The following ATP9B variants were observed in gnomAD, a reference collection of about 807,000 sequenced individuals.
The protein encoded by ATP9B is probable phospholipid-transporting ATPase IIB.
Under a neutral mutation model 146.1 loss-of-function variants are expected in ATP9B, and 110 were observed. The ratio of observed to expected loss-of-function variants is 0.75; its 90% CI spans 0.65 to 0.88. ATP9B has a LOEUF of 0.88. Among genes scored for constraint, ATP9B ranks in the 40% least tolerant of loss-of-function variants. ATP9B has a pLI of 0.00. For synonymous variants in ATP9B, 604 were observed against 569.7 expected, an observed-to-expected ratio of 1.06 and a Z score of -0.86; for missense variants, 1,499 against 1,496.4, an observed-to-expected ratio of 1.00 and a Z score of -0.03.
intron 11 of ATP9B, among the ~76,000 whole-genome samples, chr18:79,251,270 C>T (rs908672740): frequency 6.6e-6 from 1 of 152,264 alleles, no homozygotes; most frequent in Non-Finnish European, 1.5e-5. Flanking sequence ...GGAACCCACA[C>T]TCGGCACACC....
In ATP9B at chr18:79,320,712, C is replaced by T. The variant is rs534672422; in HGVS notation, c.1774-8429C>T. Among the ~76,000 whole-genome samples the T allele has an allele frequency of 1.7e-4, 26 of 152,252 alleles. 1 individual carries two copies. In the South Asian group the frequency reaches 5.4e-3, roughly 32 times the overall value. ...TGCAGAACTCCCACCCCCCTCCAGC[C>T]CTCGTTGCTTGTAGAACCCTATCCC... On this transcript the variant is annotated intron_variant, in intron 15 of 29. Coordinates refer to ENST00000426216, the MANE Select transcript of ATP9B (RefSeq NM_198531.5).
intron 11 of ATP9B, among the ~76,000 whole-genome samples, chr18:79,249,509 G>A (rs943907009): frequency 3.3e-5 from 5 of 152,144 alleles, no homozygotes; most frequent in South Asian, 4.1e-4. Flanking sequence ...TTAAATAGTC[G>A]TAATTACTTC....
rs773308784 is a variant in ATP9B, at chr18:79,224,682, C to T, written c.1107+10644C>T. Reference sequence around the variant, plus strand: ...GCAGGTCCCTTGGTTTTCTAATTGTCGCTGCCAATGTCTGTTGGAACAAGG... The same window carrying T: ...GCAGGTCCCTTGGTTTTCTAATTGTTGCTGCCAATGTCTGTTGGAACAAGG... On this transcript the variant is annotated intron_variant, in intron 11 of 29. Coordinates refer to ENST00000426216, the MANE Select transcript of ATP9B (RefSeq NM_198531.5). 2.6e-5 allele frequency among the ~76,000 whole-genome samples: 4 copies of T among 152,194 alleles called. 1 individual carries two copies. Among genetic ancestry groups the T allele is most frequent in the South Asian group, 4.1e-4 (2 of 4,828 alleles).
intron 13 of ATP9B, among the ~76,000 whole-genome samples, chr18:79,288,912 T>A (rs1382499492): frequency 6.6e-6 from 1 of 152,226 alleles, no homozygotes; most frequent in African/African-American, 2.4e-5. Context: ...CGGTTGAAAA[T>A]TCTTTTCTTT....
chr18:79,275,240 G>A (rs561652066), intron 12 of ATP9B, among the ~76,000 whole-genome samples: 1 of 142,420 alleles, frequency 7.0e-6, no homozygotes, highest in South Asian at 2.3e-4. Context: ...TTCTGTACAG[G>A]AAGGCAGTCA....
At chr18:79,218,936 C>T (rs2095653601) in intron 11 of ATP9B, among the ~76,000 whole-genome samples, 2 of 152,106 alleles carry the variant, frequency 1.3e-5, no homozygotes, top group Admixed American at 6.5e-5. Context: ...AACAAGATTT[C>T]CCAGGGCTTT....
chr18:79,315,860 G>T (rs1359541107), intron 15 of ATP9B, among the ~76,000 whole-genome samples: 3 of 152,154 alleles, frequency 2.0e-5, no homozygotes, highest in African/African-American at 7.2e-5. Flanking sequence ...TTCAGCTCAG[G>T]TTCCCACTTA....
intron 9 of ATP9B, among the ~76,000 whole-genome samples, chr18:79,204,821 G>A (rs574026810): frequency 6.6e-6 from 1 of 152,276 alleles, no homozygotes; most frequent in South Asian, 2.1e-4. Flanking sequence ...CCTTTGTTGT[G>A]GCTGGCATTG....
chr18:79,088,741 T>A (rs1421301607), intron 1 of ATP9B, among the ~76,000 whole-genome samples: 1 of 152,236 alleles, frequency 6.6e-6, no homozygotes, highest in African/African-American at 2.4e-5. Context: ...CAATTATTTA[T>A]TCATGGATAC....
intron 7 of ATP9B, among the ~76,000 whole-genome samples, chr18:79,155,807 G>GGCTGGAGT (rs2094770089): frequency 7.9e-6 from 1 of 126,464 alleles, no homozygotes; most frequent in Non-Finnish European, 1.6e-5. Flanking sequence ...CTGTCGCCCA[G>GGCTGGAGT]GCTGGAGTGC....
At chr18:79,359,529 G>GA (rs2096974702) in intron 26 of ATP9B, 67 bp downstream of exon 26, 1 of 1,238,216 alleles carries the variant, frequency 8.1e-7, no homozygotes, top group African/African-American at 1.5e-5. Context: ...ACACGAGTGA[G>GA]AAACAGGCCA....
intron 12 of ATP9B, among the ~76,000 whole-genome samples, 195 bp from the exon 13 acceptor site, chr18:79,276,859 A>G (rs1599517565): frequency 6.6e-6 from 1 of 152,368 alleles, no homozygotes; most frequent in East Asian, 1.9e-4. Context: ...ATATGGAACC[A>G]TGAGCCTGAA....
At chr18:79,100,230 A>G (rs1249627703) in intron 2 of ATP9B, among the ~76,000 whole-genome samples, 3 of 152,200 alleles carry the variant, frequency 2.0e-5, no homozygotes, top group Non-Finnish European at 2.9e-5. Flanking sequence ...TTTGAAAATA[A>G]TTTGTATTTT....
intron 15 of ATP9B, among the ~76,000 whole-genome samples, chr18:79,320,396 G>A (rs1007757367): frequency 5.9e-5 from 9 of 152,180 alleles, no homozygotes; most frequent in Non-Finnish European, 1.0e-4. Context: ...GGGTTGAGCC[G>A]AAAGTAAGAC....
rs1307981855 is a variant in ATP9B at position 79,359,277 on chromosome 18, C to T, written c.2904-77C>T. On this transcript the variant is annotated intron_variant, in intron 25 of 29. Transcript: ENST00000426216. ...TTTTTGGTGTTTTTGAAGCTGTGAC[C>T]TCTAATCCAGAGGTCTGTTTCTAGC... 3 of 1,131,478 alleles carry T rather than the reference C, an allele frequency of 2.7e-6. No individual in the cohort carries two copies. The African/African-American group carries it at 4.6e-5, about 17-fold the overall frequency. The allele number at this position is 1,131,478 out of a possible 1,614,324, so 70.1% of individuals were successfully genotyped here.
At chr18:79,259,930 T>C (rs12326810) in intron 12 of ATP9B, among the ~76,000 whole-genome samples, 3,196 of 152,304 alleles carry the variant, frequency 0.021, 120 homozygotes, top group African/African-American at 0.072. Context: ...TCAACTTCTT[T>C]AGACCTAGAT....
At chr18:79,344,423 T>A in intron 21 of ATP9B, 69 bp downstream of exon 21, 1 of 1,389,528 alleles carries the variant, frequency 7.2e-7, no homozygotes, top group Non-Finnish European at 1.0e-6. Flanking sequence ...CCTGGCTGAG[T>A]GTCTGTTTGT....
chr18:79,235,571 T>C (rs2148617806), intron 11 of ATP9B, among the ~76,000 whole-genome samples: 1 of 152,296 alleles, frequency 6.6e-6, no homozygotes, highest in Non-Finnish European at 1.5e-5. Context: ...TGAACAAAAG[T>C]GCACACGTTT....
intron 26 of ATP9B, among the ~76,000 whole-genome samples, chr18:79,371,686 G>A (rs2097071630): frequency 6.6e-6 from 1 of 152,222 alleles, no homozygotes; most frequent in East Asian, 1.9e-4. Context: ...GACTCAGGCA[G>A]GTGCAGGTTC....
Sources: gnomAD v4.1 joint callset for allele counts (sites outside exome capture counted in the v4.1 genomes callset) on GRCh38, gnomAD v4.1.1 for gene constraint, MANE v1.5 for transcripts, NCBI Gene and HGNC (gene_info 2026-07-23, HGNC 2026-07-21) for gene names.